BIRC2: variants seen among roughly 807,000 people sequenced by gnomAD.
BIRC2 encodes the protein baculoviral IAP repeat-containing protein 2.
In BIRC2, 18 loss-of-function variants were observed where a neutral mutation model predicts 60.9. The ratio of observed to expected loss-of-function variants is 0.30; its 90% CI spans 0.20 to 0.44. The LOEUF (loss-of-function observed/expected upper bound fraction) is 0.44, where lower values mean the gene tolerates loss of function less well. Ranked by LOEUF, BIRC2 falls within the 20% of genes least tolerant of loss-of-function variation. The pLI, the probability that BIRC2 is intolerant of heterozygous loss-of-function variation, is 1.00. For synonymous variants in BIRC2, 282 were observed against 247.7 expected (o/e 1.14, Z -1.30); for missense variants, 701 against 728.5 (o/e 0.96, Z 0.43).
chr11:102,377,492 G>T lies in BIRC2; in HGVS notation c.1367-4G>T, dbSNP rs760474135. 3.2e-6 allele frequency: 5 copies of T among 1,580,808 alleles called. No individual in the cohort carries two copies. Among genetic ancestry groups the T allele is most frequent in the Middle Eastern group, 1.7e-4 (1 of 5,944 alleles). Reference sequence around the variant, plus strand: ...ATGGATTTCTTTTTCTTTTTTTAATGAAGATGATTTGTCATTAATTCGGAA... The same window carrying T: ...ATGGATTTCTTTTTCTTTTTTTAATTAAGATGATTTGTCATTAATTCGGAA... On this transcript the variant is annotated splice_region_variant and splice_polypyrimidine_tract_variant and intron_variant, in intron 6 of 8. Transcript: ENST00000227758.
At chr11:102,372,164 T>G (rs1346928497) in intron 6 of BIRC2, among the ~76,000 whole-genome samples, 1 of 152,074 alleles carries the variant, frequency 6.6e-6, no homozygotes, top group Non-Finnish European at 1.5e-5. Context: ...GTGTCTCTAT[T>G]TCCTTCAGTT....
chr11:102,369,475 C>G (rs984439300), intron 6 of BIRC2, among the ~76,000 whole-genome samples: 9 of 151,526 alleles, frequency 5.9e-5, no homozygotes, highest in South Asian at 2.1e-4. Flanking sequence ...TCATCCATGT[C>G]CCTACAAAGG....
rs760139296 is a variant in BIRC2 at position 102,378,162 on chromosome 11, T to G, written c.1836T>G (p.Thr612=). The part of the protein sequence containing the change: ...CPICRGIIKG[T]VRTFLS Reference sequence around the variant, plus strand: ...TTTGCAGGGGTATAATCAAGGGTACTGTTCGTACATTTCTCTCTTAAAGAA... The same window carrying G: ...TTTGCAGGGGTATAATCAAGGGTACGGTTCGTACATTTCTCTCTTAAAGAA... Residue 612 remains threonine, a synonymous_variant, in exon 9 of 9, where the codon ACT becomes ACG. Coordinates refer to ENST00000227758, the MANE Select transcript of BIRC2 (RefSeq NM_001166.5). The G allele has an allele frequency of 2.5e-6, 4 of 1,592,170 alleles. No individual in the cohort carries two copies. In the African/African-American group the frequency reaches 5.4e-5, roughly 22 times the overall value.
At chr11:102,354,102 G>A (rs929306619) in intron 3 of BIRC2, among the ~76,000 whole-genome samples, 9 of 152,196 alleles carry the variant, frequency 5.9e-5, no homozygotes, top group African/African-American at 2.2e-4. Context: ...GACATGTGCA[G>A]TTCAAACCTG....
chr11:102,361,337 C>T (rs1951483745), intron 3 of BIRC2, among the ~76,000 whole-genome samples: 1 of 152,066 alleles, frequency 6.6e-6, no homozygotes, highest in Admixed American at 6.5e-5. Context: ...GAGCTGGGAT[C>T]TGGAGAGTGT....
At chr11:102,355,896 T>A (rs1319069177) in intron 3 of BIRC2, among the ~76,000 whole-genome samples, 1 of 152,214 alleles carries the variant, frequency 6.6e-6, no homozygotes, top group African/African-American at 2.4e-5. Flanking sequence ...ATTACTTTCT[T>A]AAGTTCTCTT....
rs753744567 is a variant in BIRC2 at position 102,377,611 on chromosome 11, T to A, written c.1482T>A (p.Asp494Glu). ...KANVINKQEH[D>E]IIKQKTQIPL... The stretch of plus-strand genomic sequence containing the variant: ...ATGTAATTAATAAACAGGAACATGA[T>A]ATTATTAAACAAAAAACACAGATAC... The change falls in exon 7 of 9, where the codon GAT becomes GAA. Residue 494 changes from aspartate (D) to glutamate (E), a missense_variant. Asp to Glu is a conservative substitution (Grantham distance 45, BLOSUM62 2). Transcript: ENST00000227758. The A allele has an allele frequency of 1.2e-6, 2 of 1,612,042 alleles. No individual in the cohort carries two copies. Among genetic ancestry groups the A allele is most frequent in the Non-Finnish European group, 1.7e-6 (2 of 1,179,296 alleles).
rs770341032 is a variant in BIRC2 at position 102,377,550 on chromosome 11, G to A, written c.1421G>A (p.Cys474Tyr). 1 of 1,608,660 alleles carries A rather than the reference G, an allele frequency of 6.2e-7. No homozygotes were observed. The highest frequency in any genetic ancestry group is 1.7e-5 in the Admixed American group (1 of 58,788). Residue 474 changes from cysteine (C) to tyrosine (Y), a missense_variant, in exon 7 of 9, where the codon TGT becomes TAT. Around this residue, in one of 4 missense-constraint regions of BIRC2, gnomAD observed 235 missense variants for 208.9 expected, o/e 1.12. Coordinates refer to ENST00000227758, the MANE Select transcript of BIRC2 (RefSeq NM_001166.5). ...ATGGCTCTCTTTCAACAATTGACAT[G>A]TGTGCTTCCTATCCTGGATAATCTT... is the stretch of plus-strand genomic sequence containing the variant. ...NRMALFQQLT[C>Y]VLPILDNLLK...
chr11:102,352,959 G>A (rs1951380498), intron 3 of BIRC2, among the ~76,000 whole-genome samples: 1 of 152,058 alleles, frequency 6.6e-6, no homozygotes, highest in African/African-American at 2.4e-5. Context: ...ATTGTTAAAA[G>A]TTGTATTTTA....
At chr11:102,357,366 CCTTTCTTCTT>C (rs1159544881) in intron 3 of BIRC2, among the ~76,000 whole-genome samples, 1 of 151,460 alleles carries the variant, frequency 6.6e-6, no homozygotes, top group Non-Finnish European at 1.5e-5. Flanking sequence ...TCCTCCTCTT[CCTTTCTTCTT>C]CTTTCTTCTT....
rs1187159407 is a variant in BIRC2 at position 102,378,451 on chromosome 11, G to A, written c.*268G>A. ...AGGGAGTAGTGTCACTGCTTGTTAT[G>A]CATCATTTCAGGAGTTACTGGATTT... is the stretch of plus-strand genomic sequence containing the variant. On this transcript the variant is annotated 3_prime_UTR_variant, in exon 9 of 9. Transcript: ENST00000227758. 2 of 247,092 alleles carry A rather than the reference G, an allele frequency of 8.1e-6. No homozygotes were observed. Among genetic ancestry groups the A allele is most frequent in the Non-Finnish European group, 1.5e-5 (2 of 131,462 alleles). 15.3% of individuals were successfully genotyped at this position (247,092 alleles called of 1,614,324 possible).
intron 3 of BIRC2, among the ~76,000 whole-genome samples, chr11:102,361,697 G>T (rs1951487198): frequency 6.6e-6 from 1 of 152,166 alleles, no homozygotes; most frequent in South Asian, 2.1e-4. Flanking sequence ...CTGGGGAGGA[G>T]CCTAGCAGTC....
chr11:102,377,965 C>T (rs376645846), intron 8 of BIRC2, 25 bp from the exon 9 acceptor site: 2 of 1,598,576 alleles, frequency 1.3e-6, no homozygotes, highest in African/African-American at 1.4e-5. Context: ...GAAACAATTT[C>T]ACTAAAGTTA....
chr11:102,363,234 ATTGT>A (rs1951505891), intron 4 of BIRC2, among the ~76,000 whole-genome samples: 1 of 152,072 alleles, frequency 6.6e-6, no homozygotes, highest in African/African-American at 2.4e-5. Flanking sequence ...TTTAAAAAAG[ATTGT>A]TTTTTTGTTT....
chr11:102,360,080 C>G (rs1483352525), intron 3 of BIRC2, among the ~76,000 whole-genome samples: 1 of 151,984 alleles, frequency 6.6e-6, no homozygotes, highest in Admixed American at 6.5e-5. Flanking sequence ...GATTCTCCTG[C>G]CTCAGCCTCC....
intron 3 of BIRC2, among the ~76,000 whole-genome samples, chr11:102,362,264 CATATGA>C (rs1405460842): frequency 6.6e-6 from 1 of 151,620 alleles, no homozygotes; most frequent in East Asian, 1.9e-4. Context: ...TTTTTTTTAA[CATATGA>C]ATATTCTGTT....
chr11:102,350,344 A>G lies in BIRC2; in HGVS notation c.490A>G (p.Arg164Gly). 1 of 1,614,232 alleles carries G rather than the reference A, an allele frequency of 6.2e-7. No homozygotes were observed. The highest frequency in any genetic ancestry group is 8.5e-7 in the Non-Finnish European group (1 of 1,180,038). Residue 164 changes from arginine to glycine, a missense_variant, in exon 2 of 9, where the codon AGA (arginine) becomes GGA (glycine). Physicochemically the swap from Arg to Gly is moderately radical, Grantham distance 125 (BLOSUM62 -2). Transcript: ENST00000227758. Reference protein sequence around the residue: ...SSLSPNPLNSRAVEDISSSRT... With the variant: ...SSLSPNPLNSGAVEDISSSRT... ...CCTTTCTCCAAACCCTCTTAATTCT[A>G]GAGCAGTTGAAGACATCTCTTCATC...
rs1421341870 is a variant in BIRC2, at chr11:102,368,352, G to T, written c.1170G>T (p.Met390Ile). 2 of 1,613,964 alleles carry T rather than the reference G, an allele frequency of 1.2e-6. No individual in the cohort carries two copies. The highest frequency in any genetic ancestry group is 1.7e-6 in the Non-Finnish European group (2 of 1,179,914). ...AAAGTTCTTCAGAAGATGCTGTCATGATGAATACACCTGTGGTTAAATCTG... is the reference window on the plus strand; with the variant it reads ...AAAGTTCTTCAGAAGATGCTGTCATTATGAATACACCTGTGGTTAAATCTG... The part of the protein sequence containing the change: ...PGESSSEDAV[M>I]MNTPVVKSAL... Residue 390 changes from methionine to isoleucine, a missense_variant, in exon 6 of 9, where the codon ATG (methionine) becomes ATT (isoleucine). Met to Ile is a conservative substitution (Grantham distance 10). This residue lies in a region of BIRC2 where 235 missense variants were observed against 208.9 expected (regional missense o/e 1.12). Transcript: ENST00000227758.
At chr11:102,356,477 T>C (rs1591534987) in intron 3 of BIRC2, among the ~76,000 whole-genome samples, 1 of 152,036 alleles carries the variant, frequency 6.6e-6, no homozygotes, top group African/African-American at 2.4e-5. Context: ...ATTAGAGGCG[T>C]GAGCCACTGC....
Sources: allele counts gnomAD v4.1 joint callset (sites outside exome capture counted in the v4.1 genomes callset), GRCh38; gene constraint gnomAD v4.1.1; regional missense constraint gnomAD v4.1.1; transcripts MANE v1.5; gene names NCBI Gene and HGNC (gene_info 2026-07-23, HGNC 2026-07-21).